MAPKAP1: variants seen among roughly 807,000 people sequenced by gnomAD.
MAPKAP1 encodes the protein target of rapamycin complex 2 subunit MAPKAP1.
A neutral mutation model predicts 65.7 loss-of-function variants in MAPKAP1; 20 were observed. That is an observed-to-expected ratio of 0.30 (90% CI 0.21 to 0.44). The LOEUF (loss-of-function observed/expected upper bound fraction) is 0.44, where lower values mean the gene tolerates loss of function less well. Among genes scored for constraint, MAPKAP1 ranks in the 20% least tolerant of loss-of-function variants. The probability of loss-of-function intolerance (pLI) is 1.00; values close to 1 mark genes in which losing one functional copy is unlikely to be tolerated. For missense variants in MAPKAP1, 423 were observed against 648.0 expected, an observed-to-expected ratio of 0.65 and a Z score of 3.77; for synonymous variants, 222 against 244.3, an observed-to-expected ratio of 0.91 and a Z score of 0.85.
Position 125,707,104 on chromosome 9 carries a change from C to G in MAPKAP1, c.-203G>C. 1 of 398,296 alleles carries G rather than the reference C, an allele frequency of 2.5e-6. No individual in the cohort carries two copies. The highest frequency in any genetic ancestry group is 4.4e-6 in the Non-Finnish European group (1 of 225,836). The allele number at this position is 398,296 out of a possible 1,614,324, so 24.7% of individuals were successfully genotyped here. On this transcript the variant is annotated 5_prime_UTR_variant, in exon 1 of 12. Coordinates refer to ENST00000265960, the MANE Select transcript of MAPKAP1 (RefSeq NM_001006617.3). ...GGGATCCACGGGGACCGGCGCTCCT[C>G]CCGGCCCGCTCAGCTGCCGCTTCCC...
At chr9:125,559,554 T>C (rs758039115) in intron 6 of MAPKAP1, 79 bp downstream of exon 6, 4 of 1,378,828 alleles carry the variant, frequency 2.9e-6, no homozygotes, top group South Asian at 2.7e-5. Flanking sequence ...ATTTATTTGA[T>C]GAACAAAACC....
intron 5 of MAPKAP1, among the ~76,000 whole-genome samples, chr9:125,572,287 G>C (rs1008661064): frequency 3.9e-5 from 6 of 152,134 alleles, no homozygotes; most frequent in South Asian, 4.1e-4. Context: ...GTATTTGAGG[G>C]TACAAAACCA....
At chr9:125,638,631 G>C (rs988955817) in intron 4 of MAPKAP1, among the ~76,000 whole-genome samples, 13 of 152,104 alleles carry the variant, frequency 8.5e-5, no homozygotes, top group Admixed American at 8.5e-4. Context: ...ACCTCGATCT[G>C]CCCAAGATTA....
Position 125,438,788 on chromosome 9 carries a change from C to A in MAPKAP1, c.*99G>T. Reference sequence around the variant, plus strand: ...CTGTGCCAGTGAGCCAGGGGCTGGCCTCCCCCCGAGGACTTCAGGACACCG... The same window carrying A: ...CTGTGCCAGTGAGCCAGGGGCTGGCATCCCCCCGAGGACTTCAGGACACCG... On this transcript the variant is annotated 3_prime_UTR_variant, in exon 12 of 12. Coordinates refer to ENST00000265960, the MANE Select transcript of MAPKAP1 (RefSeq NM_001006617.3). The A allele has an allele frequency of 7.2e-6, 11 of 1,519,652 alleles. No homozygotes were observed. Among genetic ancestry groups the A allele is most frequent in the Non-Finnish European group, 9.9e-6 (11 of 1,116,334 alleles). 94.1% of individuals were successfully genotyped at this position (1,519,652 alleles called of 1,614,324 possible).
intron 1 of MAPKAP1, among the ~76,000 whole-genome samples, chr9:125,700,063 A>G (rs932347962): frequency 2.6e-5 from 4 of 152,238 alleles, no homozygotes; most frequent in African/African-American, 9.6e-5. Flanking sequence ...CCCATTTTGC[A>G]GACTGTCCAG....
chr9:125,469,328 T>C (rs937900016), intron 9 of MAPKAP1, among the ~76,000 whole-genome samples: 1 of 151,940 alleles, frequency 6.6e-6, no homozygotes, highest in African/African-American at 2.4e-5. Context: ...CAGCAGCAGA[T>C]AAAAGAAACA....
At chr9:125,441,252 A>G (rs1422990733) in intron 11 of MAPKAP1, among the ~76,000 whole-genome samples, 1 of 152,206 alleles carries the variant, frequency 6.6e-6, no homozygotes, top group Non-Finnish European at 1.5e-5. Context: ...TCTGAGATTC[A>G]TCTCAAAGCC....
In MAPKAP1 at chr9:125,699,520, T is replaced by C. The variant is rs567774285; in HGVS notation, c.-70+7451A>G. ...ACCCAGCCAGTATTTTTAATAATTT[T>C]ATGCATGAAATAAAGTTTTAACTGC... is the stretch of plus-strand genomic sequence containing the variant. On this transcript the variant is annotated intron_variant, in intron 1 of 11. Coordinates refer to ENST00000265960, the MANE Select transcript of MAPKAP1 (RefSeq NM_001006617.3). Among the ~76,000 whole-genome samples the C allele has an allele frequency of 9.2e-5, 14 of 152,312 alleles. 1 individual carries two copies. The South Asian group carries it at 2.9e-3, about 32-fold the overall frequency.
chr9:125,596,488 C>A, intron 4 of MAPKAP1: 12 of 745,234 alleles, frequency 1.6e-5, no homozygotes, highest in South Asian at 1.3e-4. Flanking sequence ...AAATTTTGAA[C>A]CCATGATGAA....
chr9:125,589,140 C>T (rs1319939917), intron 4 of MAPKAP1, among the ~76,000 whole-genome samples: 2 of 152,012 alleles, frequency 1.3e-5, no homozygotes, highest in Non-Finnish European at 2.9e-5. Context: ...TAGGACCTAC[C>T]TATCATAAGA....
intron 4 of MAPKAP1, among the ~76,000 whole-genome samples, chr9:125,618,877 A>G (rs866515347): frequency 6.6e-6 from 1 of 152,202 alleles, no homozygotes; most frequent in Non-Finnish European, 1.5e-5. Flanking sequence ...CATGCCTGGA[A>G]TATCAGCACT....
chr9:125,541,516 G>A (rs749569085), intron 7 of MAPKAP1, among the ~76,000 whole-genome samples: 6 of 152,226 alleles, frequency 3.9e-5, no homozygotes, highest in South Asian at 2.1e-4. Context: ...ACCAGGATCC[G>A]AAAGGGTGAA....
intron 4 of MAPKAP1, among the ~76,000 whole-genome samples, chr9:125,594,915 T>G (rs1164424120): frequency 6.6e-6 from 1 of 151,652 alleles, no homozygotes; most frequent in Admixed American, 6.6e-5. Flanking sequence ...TCCCAGCCCC[T>G]GTTCTTCAGG....
At chr9:125,507,946 G>A (rs983393156) in intron 7 of MAPKAP1, among the ~76,000 whole-genome samples, 3 of 152,076 alleles carry the variant, frequency 2.0e-5, no homozygotes, top group Non-Finnish European at 2.9e-5. Flanking sequence ...ACTTCGGGGG[G>A]ACCAATTGAA....
At chr9:125,665,401 A>G (rs1834311521) in intron 3 of MAPKAP1, among the ~76,000 whole-genome samples, 1 of 152,166 alleles carries the variant, frequency 6.6e-6, no homozygotes, top group Non-Finnish European at 1.5e-5. Context: ...TCACCCAGGG[A>G]CCTTTTGAAA....
chr9:125,457,000 T>TC lies in MAPKAP1; in HGVS notation c.1345+10971_1345+10972insG, dbSNP rs542587369. 3.6e-3 allele frequency among the ~76,000 whole-genome samples: 552 copies of TC among 151,956 alleles called. 5 individuals are homozygous for TC. The highest frequency in any genetic ancestry group is 0.013 in the African/African-American group (532 of 41,396). On this transcript the variant is annotated intron_variant, in intron 10 of 11. Transcript: ENST00000265960. ...GCTCCCATTTAGTGAATTTTTTTTT[T>TC]TTTTTTGAGACAGAGTCTCACTCTG...
intron 10 of MAPKAP1, among the ~76,000 whole-genome samples, chr9:125,462,345 G>A (rs1853528980): frequency 6.6e-6 from 1 of 152,162 alleles, no homozygotes; most frequent in Admixed American, 6.5e-5. Context: ...TGTGAGGCCT[G>A]CAGCTCTACA....
chr9:125,509,542 C>T (rs1158617634), intron 7 of MAPKAP1, among the ~76,000 whole-genome samples: 1 of 152,152 alleles, frequency 6.6e-6, no homozygotes, highest in East Asian at 1.9e-4. Flanking sequence ...GTGGCATCTC[C>T]AATGGGTCAT....
At chr9:125,666,499 T>C (rs899716091) in intron 3 of MAPKAP1, among the ~76,000 whole-genome samples, 1 of 152,132 alleles carries the variant, frequency 6.6e-6, no homozygotes, top group African/African-American at 2.4e-5. Flanking sequence ...GCATAAATAA[T>C]AGAAAAAGAA....
Sources: allele counts gnomAD v4.1 joint callset (sites outside exome capture counted in the v4.1 genomes callset), GRCh38; gene constraint gnomAD v4.1.1; transcripts MANE v1.5; gene names NCBI Gene and HGNC (gene_info 2026-07-23, HGNC 2026-07-21).